Variants in PRKAR1A observed in about 807,000 individuals in gnomAD.
PRKAR1A encodes the protein protein kinase cAMP-dependent type I regulatory subunit alpha, also known as cAMP-dependent protein kinase type I-alpha regulatory subunit.
In PRKAR1A, 3 loss-of-function variants were observed where a neutral mutation model predicts 52.0. The observed-to-expected ratio is 0.06, with a 90% CI of 0.03 to 0.15. PRKAR1A has a LOEUF of 0.15. Ranked by LOEUF, PRKAR1A falls within the 10% of genes least tolerant of loss-of-function variation. The probability of loss-of-function intolerance (pLI) is 1.00; values close to 1 mark genes in which losing one functional copy is unlikely to be tolerated. For missense variants in PRKAR1A, 240 were observed against 477.4 expected, an observed-to-expected ratio of 0.50 and a Z score of 4.63; for synonymous variants, 188 against 168.4, an observed-to-expected ratio of 1.12 and a Z score of -0.90.
chr17:68,487,479 T>G, the PRKAR1A span, among the ~76,000 whole-genome samples: 1 of 152,216 alleles, frequency 6.6e-6, no homozygotes, highest in Non-Finnish European at 1.5e-5. Context: ...AATTTTTCTG[T>G]ATTCATTCAT....
intron 11 of PRKAR1A, among the ~76,000 whole-genome samples, chr17:68,548,750 T>TTTTTA (rs2086689708): frequency 7.2e-6 from 1 of 139,186 alleles, no homozygotes; most frequent in African/African-American, 2.9e-5. Context: ...TTTTTTTTTT[T>TTTTTA]GAGACAGAAT....
At position 68,531,781 on chromosome 17, in the gene PRKAR1A, GT is replaced by G; in HGVS notation, c.*1334del. 1 of 1,038,052 alleles carries G rather than the reference GT, an allele frequency of 9.6e-7. No individual in the cohort carries two copies. 64.3% of individuals were successfully genotyped at this position (1,038,052 alleles called of 1,614,324 possible). Reference sequence around the variant, plus strand: ...ATTTCAGTATTTTCCAGCCTTATGTGTTACATTATTCCAATGATACCCAACA... The same window carrying G: ...ATTTCAGTATTTTCCAGCCTTATGTGTACATTATTCCAATGATACCCAACA... On this transcript the variant is annotated 3_prime_UTR_variant, in exon 11 of 11. Coordinates refer to ENST00000589228, the MANE Select transcript of PRKAR1A (RefSeq NM_002734.5).
chr17:68,443,985 C>T, the PRKAR1A span, among the ~76,000 whole-genome samples: 3 of 152,230 alleles, frequency 2.0e-5, no homozygotes, highest in South Asian at 2.1e-4. Flanking sequence ...TGTTAAATCC[C>T]GAGAATTCAG....
chr17:68,524,638 T>G (rs1454673183), intron 5 of PRKAR1A, among the ~76,000 whole-genome samples: 1 of 151,938 alleles, frequency 6.6e-6, no homozygotes, highest in East Asian at 1.9e-4. Flanking sequence ...CTAATGTCCT[T>G]GTTATAAATG....
At chr17:68,427,484 G>A in the PRKAR1A span, 2 of 326,654 alleles carry the variant, frequency 6.1e-6, no homozygotes, top group Non-Finnish European at 1.1e-5. Context: ...AGCCTCCCGA[G>A]TAGCTGCGAC....
chr17:68,478,437 T>A, the PRKAR1A span, among the ~76,000 whole-genome samples: 1 of 152,094 alleles, frequency 6.6e-6, no homozygotes, highest in African/African-American at 2.4e-5. Context: ...GGCGACAGAG[T>A]GAGACTTCGT....
intron 11 of PRKAR1A, chr17:68,540,492 G>A (rs146701149): frequency 4.2e-6 from 2 of 473,144 alleles, no homozygotes; most frequent in Admixed American, 2.3e-5. Flanking sequence ...GTGTGTCCGT[G>A]GCCTCGCCTG....
At chr17:68,464,708 CAA>C in the PRKAR1A span, among the ~76,000 whole-genome samples, 1 of 35,546 alleles carries the variant, frequency 2.8e-5, no homozygotes, top group Non-Finnish European at 1.0e-4. Context: ...ACAAAAAAAA[CAA>C]AAAAAACACC....
chr17:68,486,523 T>TCCTTCCTTCCC, the PRKAR1A span, among the ~76,000 whole-genome samples: 16 of 100,208 alleles, frequency 1.6e-4, no homozygotes, highest in Non-Finnish European at 2.6e-4. Context: ...CTTTCTTTCT[T>TCCTTCCTTCCC]TCTTTCTTTC....
In PRKAR1A at chr17:68,519,038, A is replaced by G. The variant is rs185563870; in HGVS notation, c.177+3462A>G. Among the ~76,000 whole-genome samples, 7 of 152,258 alleles carry G rather than the reference A, an allele frequency of 4.6e-5. No individual in the cohort carries two copies. In the East Asian group the frequency reaches 1.2e-3, roughly 25 times the overall value. On this transcript the variant is annotated intron_variant, in intron 2 of 10. Transcript: ENST00000589228. ...CCTGGACTTCATTGTCCATATTACT[A>G]TCAGCATTTTGGTCAAAGCCGTACA... is the stretch of plus-strand genomic sequence containing the variant.
Position 68,522,831 on chromosome 17 carries a change from C to T in PRKAR1A, c.253C>T (p.Pro85Ser), listed in dbSNP as rs267605012. 6.2e-7 allele frequency: 1 copy of T among 1,614,050 alleles called. No homozygotes were observed. The highest frequency in any genetic ancestry group is 8.5e-7 in the Non-Finnish European group (1 of 1,179,926). The change falls in exon 3 of 11, where the codon CCT becomes TCT. Residue 85 changes from proline to serine, a missense_variant. Around this residue, in one of 4 missense-constraint regions of PRKAR1A, gnomAD observed 107 missense variants for 114.6 expected, o/e 0.93. Transcript: ENST00000589228. The stretch of plus-strand genomic sequence containing the variant: ...CTCAAGGGAGGATGAGATTTCTCCT[C>T]CTCCACCCAACCCAGTGGTTAAAGG... ...TDSREDEISPPPPNPVVKGRR... is the reference protein window; with the variant it reads ...TDSREDEISPSPPNPVVKGRR...
At chr17:68,485,571 C>T in the PRKAR1A span, among the ~76,000 whole-genome samples, 6 of 152,052 alleles carry the variant, frequency 3.9e-5, no homozygotes, top group Non-Finnish European at 8.8e-5. Flanking sequence ...TGATAATGCC[C>T]GCACCACAGA....
chr17:68,447,863 GGTGCTTGTA>G, the PRKAR1A span, among the ~76,000 whole-genome samples: 1 of 151,630 alleles, frequency 6.6e-6, no homozygotes, highest in Non-Finnish European at 1.5e-5. Context: ...CGTGGTGGCA[GGTGCTTGTA>G]GTCCCAGCTA....
intron 11 of PRKAR1A, chr17:68,543,824 T>C: frequency 1.0e-6 from 1 of 990,992 alleles, no homozygotes; most frequent in African/African-American, 1.6e-5. Flanking sequence ...CGGGCTTTTA[T>C]GCTTTTCATG....
At chr17:68,506,740 C>T in the PRKAR1A span, among the ~76,000 whole-genome samples, 5 of 152,270 alleles carry the variant, frequency 3.3e-5, no homozygotes, top group African/African-American at 1.2e-4. Context: ...CCTCAGCCTC[C>T]CAAAGTGCTG....
At chr17:68,543,611 C>T (rs2086411859) in intron 11 of PRKAR1A, 4 of 1,612,446 alleles carry the variant, frequency 2.5e-6, no homozygotes, top group Non-Finnish European at 3.4e-6. Flanking sequence ...ATGCCATCTC[C>T]ATGGGGCCAG....
intron 11 of PRKAR1A, chr17:68,543,841 C>CA (rs1568726081): frequency 1.2e-6 from 1 of 847,554 alleles, no homozygotes; most frequent in South Asian, 1.4e-5. Flanking sequence ...CATGTACACA[C>CA]AGGCGATGGC....
the PRKAR1A span, among the ~76,000 whole-genome samples, chr17:68,486,878 ATT>A: frequency 4.1e-4 from 61 of 148,312 alleles, no homozygotes; most frequent in African/African-American, 1.3e-3. Context: ...TGTTGTGCGG[ATT>A]TTTTTTTTTC....
the PRKAR1A span, chr17:68,435,605 T>C: frequency 6.2e-7 from 1 of 1,613,412 alleles, no homozygotes; most frequent in Non-Finnish European, 8.5e-7. Context: ...GAGGTGTTGG[T>C]GGGAGTGGAC....
Sources: gnomAD v4.1 joint callset for allele counts (sites outside exome capture counted in the v4.1 genomes callset) on GRCh38, gnomAD v4.1.1 for gene constraint, gnomAD v4.1.1 regional missense constraint, MANE v1.5 for transcripts, NCBI Gene and HGNC (gene_info 2026-07-23, HGNC 2026-07-21) for gene names.